USP1: variants seen among roughly 807,000 people sequenced by gnomAD.
USP1 encodes ubiquitin carboxyl-terminal hydrolase 1.
Under a neutral mutation model 72.2 loss-of-function variants are expected in USP1, and 18 were observed. That is an observed-to-expected ratio of 0.25 (90% CI 0.17 to 0.37). The LOEUF (loss-of-function observed/expected upper bound fraction) is 0.37, where lower values mean the gene tolerates loss of function less well. Among genes scored for constraint, USP1 ranks in the 10% least tolerant of loss-of-function variants. USP1 has a pLI of 1.00. For synonymous variants in USP1, 354 were observed against 303.7 expected (o/e 1.17, Z -1.72); for missense variants, 759 against 884.9 (o/e 0.86, Z 1.81).
At position 62,445,596 on chromosome 1, in the gene USP1, TTAGTGTG is replaced by T. The variant is rs537841430; in HGVS notation, c.1249+169_1249+175del. 7.3e-3 allele frequency among the ~76,000 whole-genome samples: 1,100 copies of T among 150,136 alleles called. 8 individuals carry two copies. Among genetic ancestry groups the T allele is most frequent in the Non-Finnish European group, 0.011 (725 of 67,680 alleles). On this transcript the variant is annotated intron_variant, in intron 6 of 8. Coordinates refer to ENST00000339950, the MANE Select transcript of USP1 (RefSeq NM_003368.5). ...TGGTGTTTTAAGTGCTATGCTTAGA[TTAGTGTG>T]TGTGTATATATTGTATGCATATATA...
chr1:62,440,771 C>T (rs1337050796), intron 2 of USP1, among the ~76,000 whole-genome samples: 1 of 151,922 alleles, frequency 6.6e-6, no homozygotes, highest in Non-Finnish European at 1.5e-5. Context: ...TAATAGCTAG[C>T]AATCGTAAAA....
At position 62,437,055 on chromosome 1, in the gene USP1, G is replaced by A. The variant is rs1645092736; in HGVS notation, c.-415G>A. On this transcript the variant is annotated 5_prime_UTR_variant, in exon 1 of 9. Transcript: ENST00000339950. ...CGGGGGTCCTGAGACTGAGGAAAAC[G>A]CGCCAAGTTCCCCTCGGTGGCGGAG... The A allele has an allele frequency of 2.5e-6, 1 of 398,672 alleles. No homozygotes were observed. The highest frequency in any genetic ancestry group is 1.3e-4 in the South Asian group (1 of 7,824). The allele number at this position is 398,672 out of a possible 1,614,324, so 24.7% of individuals were successfully genotyped here.
In USP1 at chr1:62,447,514, A is replaced by C. The variant is rs182789161; in HGVS notation, c.1420+3A>C. On this transcript the variant is annotated splice_donor_region_variant and intron_variant, in intron 7 of 8. Coordinates refer to ENST00000339950, the MANE Select transcript of USP1 (RefSeq NM_003368.5). ...CAAAGTAGAGGAGAGTTCTGAAAGT[A>C]AGCAAAATTGGAGTCTTGTGTGGAC... The C allele has an allele frequency of 6.2e-7, 1 of 1,609,262 alleles. No individual in the cohort carries two copies. Among genetic ancestry groups the C allele is most frequent in the African/African-American group, 1.3e-5 (1 of 74,658 alleles).
rs534381237 is a variant in USP1 at position 62,444,674 on chromosome 1, A to G, written c.558-64A>G. 2.8e-5 allele frequency: 34 copies of G among 1,224,904 alleles called. No individual in the cohort carries two copies. In the South Asian group the frequency reaches 4.9e-4, roughly 18 times the overall value. The allele number at this position is 1,224,904 out of a possible 1,614,324, so 75.9% of individuals were successfully genotyped here. On this transcript the variant is annotated intron_variant, in intron 5 of 8. Transcript: ENST00000339950. The stretch of plus-strand genomic sequence containing the variant: ...ATTTTCCTTACATGAATTAATTTCT[A>G]TATAGGCTTTATGTACTGTATCTTC...
intron 4 of USP1, 30 bp downstream of exon 4, chr1:62,442,329 T>G (rs1003699185): frequency 6.7e-7 from 1 of 1,497,136 alleles, no homozygotes; most frequent in Non-Finnish European, 9.1e-7. Flanking sequence ...GAAAATAATG[T>G]AAAAAGCAAA....
At chr1:62,443,034 T>A (rs981110444) in intron 4 of USP1, 125 bp from the exon 5 acceptor site, 1 of 989,154 alleles carries the variant, frequency 1.0e-6, no homozygotes, top group Admixed American at 2.7e-5. Context: ...TATTTGTACA[T>A]CCCTTAAAAT....
rs184457960 is a variant in USP1 at position 62,445,570 on chromosome 1, A to G, written c.1249+141A>G. 3.3e-4 allele frequency: 245 copies of G among 749,312 alleles called. 1 individual carries two copies. In the African/African-American group the frequency reaches 3.8e-3, roughly 12 times the overall value. The allele number at this position is 749,312 out of a possible 1,614,324, so 46.4% of individuals were successfully genotyped here. A position where few individuals can be genotyped will look rare whatever the true frequency, so the allele number is the denominator to read the frequency against. On this transcript the variant is annotated intron_variant, in intron 6 of 8. Coordinates refer to ENST00000339950, the MANE Select transcript of USP1 (RefSeq NM_003368.5). ...GGAAATTTAACACTGAATGTGAACT[A>G]TGGTGTTTTAAGTGCTATGCTTAGA...
intron 1 of USP1, 25 bp from the exon 2 acceptor site, chr1:62,439,774 A>G: frequency 8.6e-7 from 1 of 1,163,794 alleles, no homozygotes. Context: ...CCAAAAACTA[A>G]TGAAACTTTC....
chr1:62,450,273 C>G lies in USP1; in HGVS notation c.1650C>G (p.Ser550=), dbSNP rs1394511697. ...TTGATTGTTATGGTGGTGGACTTTC[C>G]AAGATCAACACTCCTTTATTGACAC... is the stretch of plus-strand genomic sequence containing the variant. ...LEFDCYGGGL[S]KINTPLLTPL... is the part of the protein sequence containing the mutation. The change falls in exon 9 of 9, where the codon TCC becomes TCG. Residue 550 remains serine, a synonymous_variant. Transcript: ENST00000339950. 4 of 1,612,820 alleles carry G rather than the reference C, an allele frequency of 2.5e-6. No homozygotes were observed. The highest frequency in any genetic ancestry group is 3.3e-5 in the Admixed American group (2 of 59,968).
At chr1:62,441,286 A>G (rs1258481630) in intron 2 of USP1, among the ~76,000 whole-genome samples, 2 of 152,204 alleles carry the variant, frequency 1.3e-5, no homozygotes, top group Non-Finnish European at 2.9e-5. Context: ...TATGTGTAAT[A>G]ATGTTTTTAA....
At chr1:62,438,589 T>G (rs1271554840) in intron 1 of USP1, among the ~76,000 whole-genome samples, 1 of 152,246 alleles carries the variant, frequency 6.6e-6, no homozygotes, top group Non-Finnish European at 1.5e-5. Flanking sequence ...AACTCGTTGC[T>G]GAAGTTTTGG....
In USP1 at chr1:62,437,316, C is replaced by A. The variant is rs967245599; in HGVS notation, c.-154C>A. 1 of 396,410 alleles carries A rather than the reference C, an allele frequency of 2.5e-6. No homozygotes were observed. The highest frequency in any genetic ancestry group is 2.1e-5 in the African/African-American group (1 of 48,596). The allele number at this position is 396,410 out of a possible 1,614,324, so 24.6% of individuals were successfully genotyped here. A position where few individuals can be genotyped will look rare whatever the true frequency, so the allele number is the denominator to read the frequency against. On this transcript the variant is annotated 5_prime_UTR_variant, in exon 1 of 9. Coordinates refer to ENST00000339950, the MANE Select transcript of USP1 (RefSeq NM_003368.5). ...GGCCGGGGACCCGGCGGGCTCGGGG[C>A]AGGGACTCACCTGTCGCACCCACAC...
intron 8 of USP1, among the ~76,000 whole-genome samples, chr1:62,448,904 C>T (rs185067175): frequency 2.7e-4 from 40 of 150,858 alleles, no homozygotes; most frequent in Middle Eastern, 3.4e-3. Flanking sequence ...TTTTTTGAAA[C>T]AGGGTCTCAT....
intron 8 of USP1, among the ~76,000 whole-genome samples, chr1:62,449,812 T>TGAG (rs1184432739): frequency 1.3e-5 from 2 of 151,354 alleles, no homozygotes; most frequent in East Asian, 1.9e-4. Flanking sequence ...CTCAGGAGGC[T>TGAG]GAGGAGGAGG....
chr1:62,439,231 C>G (rs1445147482), intron 1 of USP1, among the ~76,000 whole-genome samples: 1 of 152,134 alleles, frequency 6.6e-6, no homozygotes, highest in Non-Finnish European at 1.5e-5. Context: ...ATGGCCCAGG[C>G]TGGAGTGCAA....
intron 1 of USP1, among the ~76,000 whole-genome samples, chr1:62,439,054 G>A (rs961299780): frequency 2.0e-5 from 3 of 152,108 alleles, no homozygotes; most frequent in African/African-American, 7.2e-5. Flanking sequence ...AACTAGAAAA[G>A]GCATTGGAAG....
chr1:62,445,273 C>G lies in USP1; in HGVS notation c.1093C>G (p.Gln365Glu), dbSNP rs1645163405. ...TAGTCTGGGAAAAATAACAACAAAC[C>G]AAGGAGTCAAAGGACAATCTAAAGA... Reference protein sequence around the residue: ...FCSLGKITTNQGVKGQSKENE... With the variant: ...FCSLGKITTNEGVKGQSKENE... Residue 365 changes from glutamine (Q) to glutamate (E), a missense_variant, in exon 6 of 9, where the codon CAA becomes GAA. Coordinates refer to ENST00000339950, the MANE Select transcript of USP1 (RefSeq NM_003368.5). 1 of 1,613,176 alleles carries G rather than the reference C, an allele frequency of 6.2e-7. No homozygotes were observed. Among genetic ancestry groups the G allele is most frequent in the Admixed American group, 1.7e-5 (1 of 59,896 alleles).
chr1:62,436,885 C>T (rs552947604), upstream of USP1: 6 of 384,032 alleles, frequency 1.6e-5, no homozygotes, highest in East Asian at 1.8e-4. Context: ...TCCCAGCTGG[C>T]TCCGGAGCCC....
At chr1:62,444,616 T>C (rs1277088551) in intron 5 of USP1, 122 bp from the exon 6 acceptor site, 8 of 810,066 alleles carry the variant, frequency 9.9e-6, no homozygotes, top group African/African-American at 1.8e-5. Context: ...GCTGAATAAA[T>C]GTCTTGACAT....
Sources: allele counts gnomAD v4.1 joint callset (sites outside exome capture counted in the v4.1 genomes callset), GRCh38; gene constraint gnomAD v4.1.1; transcripts MANE v1.5; gene names NCBI Gene and HGNC (gene_info 2026-07-23, HGNC 2026-07-21).